The following CHST12 variants were observed in gnomAD, a reference collection of about 807,000 sequenced individuals.
CHST12 encodes carbohydrate sulfotransferase 12, also known as carbohydrate (chondroitin 4) sulfotransferase 12.
In CHST12, 23 loss-of-function variants were observed where a neutral mutation model predicts 27.9. That is an observed-to-expected ratio of 0.82 (90% CI 0.59 to 1.17). The LOEUF (loss-of-function observed/expected upper bound fraction) is 1.17, where lower values mean the gene tolerates loss of function less well. CHST12 is among the 50% of genes most tolerant of loss of function. The pLI, the probability that CHST12 is intolerant of heterozygous loss-of-function variation, is 0.00. For missense variants in CHST12, 682 were observed against 603.0 expected, an observed-to-expected ratio of 1.13 and a Z score of -1.37; for synonymous variants, 322 against 273.0, an observed-to-expected ratio of 1.18 and a Z score of -1.77.
rs776813555 is a variant in CHST12 at position 2,433,403 on chromosome 7, TC to T, written c.766del (p.Arg256AlafsTer173). The T allele has an allele frequency of 1.2e-6, 2 of 1,609,640 alleles. No individual in the cohort carries two copies. Among genetic ancestry groups the T allele is most frequent in the Non-Finnish European group, 1.7e-6 (2 of 1,179,904 alleles). On this transcript the variant is annotated frameshift_variant, in exon 2 of 2. Transcript: ENST00000618655. LOFTEE classifies it high-confidence loss of function. This position sits in a 1 kb window ranked among gnomAD's most constrained non-coding sequence, Gnocchi z 6.1. ...RDPFVRLISA[F>X]RSKFELENEE... ...CCCTTCGTGCGCCTGATCTCCGCCT[TC>T]CGCAGCAAGTTCGAGCTGGAGAACG...
Position 2,434,126 on chromosome 7 carries a change from T to C in CHST12, c.*242T>C, listed in dbSNP as rs55702312. On this transcript the variant is annotated 3_prime_UTR_variant, in exon 2 of 2. Coordinates refer to ENST00000618655, the MANE Select transcript of CHST12 (RefSeq NM_018641.5). ...TCCGCCCGCCCACCCGCCCGCCCGC[T>C]CGCCCGCTCGCCCGCTCCTGTGGTT... is the stretch of plus-strand genomic sequence containing the variant. The C allele has an allele frequency of 1.9e-3, 603 of 318,548 alleles. 6 individuals are homozygous for C. Among genetic ancestry groups the C allele is most frequent in the African/African-American group, 8.9e-3 (363 of 40,972 alleles). The allele number at this position is 318,548 out of a possible 1,614,324, so 19.7% of individuals were successfully genotyped here. A position where few individuals can be genotyped will look rare whatever the true frequency, so the allele number is the denominator to read the frequency against.
intron 1 of CHST12, among the ~76,000 whole-genome samples, chr7:2,430,442 A>G (rs1010762844): frequency 6.6e-6 from 1 of 152,084 alleles, no homozygotes; most frequent in African/African-American, 2.4e-5. Flanking sequence ...CAGTCTCCTG[A>G]GTAGCTGGGA....
intron 1 of CHST12, among the ~76,000 whole-genome samples, chr7:2,426,054 A>G (rs1007912080): frequency 3.9e-5 from 6 of 152,134 alleles, no homozygotes; most frequent in Non-Finnish European, 7.4e-5. Flanking sequence ...GGGGACCTGC[A>G]TAGTCCGGGA....
chr7:2,433,736 C>T lies in CHST12; in HGVS notation c.1097C>T (p.Pro366Leu), dbSNP rs757528849. 8 of 1,613,768 alleles carry T rather than the reference C, an allele frequency of 5.0e-6. No individual in the cohort carries two copies. In the Admixed American group the frequency reaches 5.0e-5, roughly 10 times the overall value. ...GTGGACCGGCAGCTCCGCTTCCCCCCGAGCTACCGGAACAGGACCGCCAGC... is the reference window on the plus strand; with the variant it reads ...GTGGACCGGCAGCTCCGCTTCCCCCTGAGCTACCGGAACAGGACCGCCAGC... ...LQVDRQLRFP[P>L]SYRNRTASSW... Residue 366 changes from proline (P) to leucine (L), a missense_variant, in exon 2 of 2, where the codon CCG becomes CTG. By Grantham distance (98) the Pro-to-Leu change is moderately conservative. Coordinates refer to ENST00000618655, the MANE Select transcript of CHST12 (RefSeq NM_018641.5). This position sits in a 1 kb window ranked among gnomAD's most constrained non-coding sequence, Gnocchi z 6.1.
rs1562522923 is a variant in CHST12, at chr7:2,435,373, G to A, written c.*1489G>A. The A allele has an allele frequency of 1.3e-5, 2 of 152,228 alleles. No homozygotes were observed. Among genetic ancestry groups the A allele is most frequent in the Admixed American group, 1.3e-4 (2 of 15,278 alleles). The allele number at this position is 152,228 out of a possible 1,614,324, so 9.4% of individuals were successfully genotyped here. A position where few individuals can be genotyped will look rare whatever the true frequency, so the allele number is the denominator to read the frequency against. On this transcript the variant is annotated 3_prime_UTR_variant, in exon 2 of 2. Transcript: ENST00000618655. ...GTGTCACCAAGAAGAGGCTCCGTGT[G>A]ACTGTCTCTGTGGCTTTCTGGTTGG... is the stretch of plus-strand genomic sequence containing the variant.
Position 2,439,566 on chromosome 7 carries a change from C to CATGCCCGGCTA in CHST12, c.*5685_*5695dup, listed in dbSNP as rs1562524471. 1 of 151,870 alleles carries CATGCCCGGCTA rather than the reference C, an allele frequency of 6.6e-6. No homozygotes were observed. Among genetic ancestry groups the CATGCCCGGCTA allele is most frequent in the African/African-American group, 2.4e-5 (1 of 41,410 alleles). 9.4% of individuals were successfully genotyped at this position (151,870 alleles called of 1,614,324 possible). A position where few individuals can be genotyped will look rare whatever the true frequency, so the allele number is the denominator to read the frequency against. ...AGCTGGGACTACAGGCATGCACCAC[C>CATGCCCGGCTA]ATGCCCGGCTAATTTTTACATTTTT... On this transcript the variant is annotated 3_prime_UTR_variant, in exon 2 of 2. Transcript: ENST00000618655.
chr7:2,422,802 G>A (rs1402507970), intron 1 of CHST12, among the ~76,000 whole-genome samples: 2 of 151,996 alleles, frequency 1.3e-5, no homozygotes, highest in Non-Finnish European at 2.9e-5. Context: ...CCAAAGTGCT[G>A]GGATTACAGG....
rs1022722334 is a variant in CHST12 at position 2,444,034 on chromosome 7, C to T, written c.*10150C>T. 6 of 151,900 alleles carry T rather than the reference C, an allele frequency of 3.9e-5. No homozygotes were observed. Among genetic ancestry groups the T allele is most frequent in the African/African-American group, 9.7e-5 (4 of 41,366 alleles). 9.4% of individuals were successfully genotyped at this position (151,900 alleles called of 1,614,324 possible). On this transcript the variant is annotated 3_prime_UTR_variant, in exon 2 of 2. Transcript: ENST00000618655. Reference sequence around the variant, plus strand: ...GCGCGGTGGCTCACGCCTGTAATCCCAGCACTTTGGGAGGCCGAGGCGGGC... The same window carrying T: ...GCGCGGTGGCTCACGCCTGTAATCCTAGCACTTTGGGAGGCCGAGGCGGGC...
Position 2,433,677 on chromosome 7 carries a change from C to G in CHST12, c.1038C>G (p.Asp346Glu), listed in dbSNP as rs566917474. The G allele has an allele frequency of 6.5e-5, 105 of 1,613,432 alleles. No individual in the cohort carries two copies. Among genetic ancestry groups the G allele is most frequent in the African/African-American group, 6.4e-4 (48 of 75,050 alleles). Residue 346 changes from aspartate to glutamate, a missense_variant, in exon 2 of 2, where the codon GAC becomes GAG. Transcript: ENST00000618655. This position sits in a 1 kb window ranked among gnomAD's most constrained non-coding sequence, Gnocchi z 6.1. ...YDFVGKLETL[D>E]EDAAQLLQLL... ...TCGTGGGGAAGCTGGAGACTCTGGACGAGGACGCCGCGCAGCTGCTGCAGC... is the reference window on the plus strand; with the variant it reads ...TCGTGGGGAAGCTGGAGACTCTGGAGGAGGACGCCGCGCAGCTGCTGCAGC...
rs1782401678 is a variant in CHST12, at chr7:2,434,114, C to CGCCCGCT, written c.*230_*231insGCCCGCT. ...TCCCCTCTCCCCTCCGCCCGCCCAC[C>CGCCCGCT]CGCCCGCCCGCTCGCCCGCTCGCCC... On this transcript the variant is annotated 3_prime_UTR_variant, in exon 2 of 2. Transcript: ENST00000618655. 2 of 384,144 alleles carry CGCCCGCT rather than the reference C, an allele frequency of 5.2e-6. No individual in the cohort carries two copies. Among genetic ancestry groups the CGCCCGCT allele is most frequent in the Non-Finnish European group, 9.5e-6 (2 of 211,018 alleles). 23.8% of individuals were successfully genotyped at this position (384,144 alleles called of 1,614,324 possible).
chr7:2,440,781 A>C lies in CHST12; in HGVS notation c.*6897A>C, dbSNP rs556364861. 19 of 152,192 alleles carry C rather than the reference A, an allele frequency of 1.2e-4. No individual in the cohort carries two copies. The highest frequency in any genetic ancestry group is 4.6e-4 in the African/African-American group (19 of 41,520). The allele number at this position is 152,192 out of a possible 1,614,324, so 9.4% of individuals were successfully genotyped here. On this transcript the variant is annotated 3_prime_UTR_variant, in exon 2 of 2. Coordinates refer to ENST00000618655, the MANE Select transcript of CHST12 (RefSeq NM_018641.5). Reference sequence around the variant, plus strand: ...ATAAGCTGTTTGAACAAAGATCTGGAGGTTGCACAATCCTGTGTCATTCTG... The same window carrying C: ...ATAAGCTGTTTGAACAAAGATCTGGCGGTTGCACAATCCTGTGTCATTCTG...
intron 1 of CHST12, among the ~76,000 whole-genome samples, chr7:2,418,668 C>T (rs556203313): frequency 5.4e-4 from 83 of 152,348 alleles, no homozygotes; most frequent in African/African-American, 1.8e-3. Context: ...GCGGTTCTAT[C>T]GGACCCTTCC....
chr7:2,430,450 G>C (rs1233323818), intron 1 of CHST12, among the ~76,000 whole-genome samples: 1 of 152,144 alleles, frequency 6.6e-6, no homozygotes, highest in Non-Finnish European at 1.5e-5. Flanking sequence ...TGAGTAGCTG[G>C]GATTACAGGC....
intron 1 of CHST12, among the ~76,000 whole-genome samples, chr7:2,407,870 G>A (rs760075426): frequency 6.6e-5 from 10 of 152,164 alleles, no homozygotes; most frequent in Non-Finnish European, 8.8e-5. Context: ...GGGGGTTGCT[G>A]TGAGCCCAGA....
At chr7:2,425,691 C>CTTTTTTTTTTTTTTTTTTTTTT (rs760502452) in intron 1 of CHST12, among the ~76,000 whole-genome samples, 15 of 137,872 alleles carry the variant, frequency 1.1e-4, no homozygotes, top group African/African-American at 3.8e-4. Context: ...ACTGCATTTG[C>CTTTTTTTTTTTTTTTTTTTTTT]TTTTTTTTTT....
At chr7:2,426,935 G>A (rs1361631586) in intron 1 of CHST12, among the ~76,000 whole-genome samples, 1 of 152,110 alleles carries the variant, frequency 6.6e-6, no homozygotes, top group Non-Finnish European at 1.5e-5. Context: ...AGGTTGCAGT[G>A]AGCCAAGATC....
intron 1 of CHST12, among the ~76,000 whole-genome samples, chr7:2,416,313 G>A (rs1583212715): frequency 6.6e-6 from 1 of 152,230 alleles, no homozygotes; most frequent in Admixed American, 6.5e-5. Context: ...TTCCTGCACC[G>A]GAGTCTTGAA....
chr7:2,405,144 T>C (rs920485356), intron 1 of CHST12, among the ~76,000 whole-genome samples: 1 of 151,900 alleles, frequency 6.6e-6, no homozygotes, highest in African/African-American at 2.4e-5. Flanking sequence ...GAGGATTGGG[T>C]TGGAAGCTAA....
At chr7:2,428,373 T>C (rs965140735) in intron 1 of CHST12, among the ~76,000 whole-genome samples, 6 of 152,104 alleles carry the variant, frequency 3.9e-5, no homozygotes, top group African/African-American at 1.4e-4. Context: ...TTTTTGTATT[T>C]TTTAGTAGAG....
Sources: allele counts gnomAD v4.1 joint callset (sites outside exome capture counted in the v4.1 genomes callset), GRCh38; gene constraint gnomAD v4.1.1; non-coding constraint Gnocchi (gnomAD v3.1); transcripts MANE v1.5; gene names NCBI Gene and HGNC (gene_info 2026-07-23, HGNC 2026-07-21).